AAK1: variants seen among roughly 807,000 people sequenced by gnomAD.
AAK1 encodes the protein AP2 associated kinase 1, also known as AP2-associated protein kinase 1.
In AAK1, 37 loss-of-function variants were observed where a neutral mutation model predicts 116.0. The observed-to-expected ratio is 0.32, with a 90% CI of 0.25 to 0.42. The LOEUF is 0.42. Among genes scored for constraint, AAK1 ranks in the 10% least tolerant of loss-of-function variants. The probability of loss-of-function intolerance (pLI) is 1.00; values close to 1 mark genes in which losing one functional copy is unlikely to be tolerated. For missense variants in AAK1, 919 were observed against 1,170.6 expected, an observed-to-expected ratio of 0.79 and a Z score of 3.14; for synonymous variants, 458 against 439.9, an observed-to-expected ratio of 1.04 and a Z score of -0.51.
intron 17 of AAK1, among the ~76,000 whole-genome samples, chr2:69,491,993 T>C (rs1179590173): frequency 1.3e-5 from 2 of 151,820 alleles, no homozygotes; most frequent in Admixed American, 6.6e-5. Flanking sequence ...GTTTGGGGAG[T>C]GTGGGCAATA....
chr2:69,504,397 CAAAAA>C (rs57214954), intron 16 of AAK1, among the ~76,000 whole-genome samples: 2 of 57,776 alleles, frequency 3.5e-5, no homozygotes, highest in African/African-American at 6.9e-5. Flanking sequence ...GACTCCATCT[CAAAAA>C]AAAAAAAAAA....
intron 21 of AAK1, 58 bp downstream of exon 21, chr2:69,476,822 G>C: frequency 1.4e-5 from 17 of 1,227,166 alleles, no homozygotes; most frequent in Non-Finnish European, 2.0e-5. Flanking sequence ...TTAGGTGCAT[G>C]ACTATTTTGA....
chr2:69,486,331 C>G (rs1675300908), intron 17 of AAK1, among the ~76,000 whole-genome samples: 1 of 152,084 alleles, frequency 6.6e-6, no homozygotes. Flanking sequence ...CATGAGTGTA[C>G]ACGTGTTGTG....
intron 16 of AAK1, among the ~76,000 whole-genome samples, chr2:69,501,383 A>AT (rs772349047): frequency 0.023 from 3,333 of 147,860 alleles, 53 homozygotes; most frequent in African/African-American, 0.043. Flanking sequence ...ACAAAACCCC[A>AT]TTTTTTTTTT....
intron 2 of AAK1, among the ~76,000 whole-genome samples, chr2:69,562,469 G>A (rs1671683512): frequency 6.6e-6 from 1 of 152,200 alleles, no homozygotes; most frequent in African/African-American, 2.4e-5. Flanking sequence ...GATGACAGAA[G>A]TGCCTAGTTC....
intron 2 of AAK1, among the ~76,000 whole-genome samples, chr2:69,588,107 AG>A (rs1672869401): frequency 6.6e-6 from 1 of 152,144 alleles, no homozygotes; most frequent in South Asian, 2.1e-4. Context: ...GAGTTAGATA[AG>A]GGTTCAAATC....
intron 16 of AAK1, among the ~76,000 whole-genome samples, chr2:69,502,788 C>A (rs1359474753): frequency 6.6e-6 from 1 of 151,960 alleles, no homozygotes; most frequent in African/African-American, 2.4e-5. Flanking sequence ...GTATAAAAAA[C>A]CTTAAAATAT....
At position 69,474,121 on chromosome 2, in the gene AAK1, A is replaced by AT; in HGVS notation, c.*1747dup. On this transcript the variant is annotated 3_prime_UTR_variant, in exon 22 of 22. Transcript: ENST00000409085. ...AATGCCTTTCAAAGGCTACTCGCAC[A>AT]TTCCTAGGGTCAAACCTTGCCCTCC... 1.0e-6 allele frequency: 1 copy of AT among 985,888 alleles called. No individual in the cohort carries two copies. Among genetic ancestry groups the AT allele is most frequent in the Non-Finnish European group, 1.2e-6 (1 of 829,936 alleles). The allele number at this position is 985,888 out of a possible 1,614,324, so 61.1% of individuals were successfully genotyped here.
chr2:69,595,280 T>G (rs1200248669), intron 2 of AAK1, among the ~76,000 whole-genome samples: 3 of 151,996 alleles, frequency 2.0e-5, no homozygotes, highest in African/African-American at 7.2e-5. Context: ...ACCTGGCTAG[T>G]TGTTTTTGTA....
rs1225108740 is a variant in AAK1, at chr2:69,463,931, G to A, written c.*11938C>T. 2 of 152,586 alleles carry A rather than the reference G, an allele frequency of 1.3e-5. No homozygotes were observed. The highest frequency in any genetic ancestry group is 1.5e-5 in the Non-Finnish European group (1 of 68,068). 9.5% of individuals were successfully genotyped at this position (152,586 alleles called of 1,614,324 possible). A position where few individuals can be genotyped will look rare whatever the true frequency, so the allele number is the denominator to read the frequency against. On this transcript the variant is annotated 3_prime_UTR_variant, in exon 22 of 22. Coordinates refer to ENST00000409085, the MANE Select transcript of AAK1 (RefSeq NM_014911.5). ...CTTCCAAAATGCTGGTATTACAGGT[G>A]TGTGGCACTGCACCTGGCCAGCTTT...
rs1457273997 is a variant in AAK1, at chr2:69,473,836, G to A, written c.*2033C>T. The A allele has an allele frequency of 5.1e-6, 5 of 985,568 alleles. No homozygotes were observed. The highest frequency in any genetic ancestry group is 2.3e-4 in the East Asian group (2 of 8,832). 61.1% of individuals were successfully genotyped at this position (985,568 alleles called of 1,614,324 possible). On this transcript the variant is annotated 3_prime_UTR_variant, in exon 22 of 22. Transcript: ENST00000409085. ...ATACATTCTTTCTATGTCCAGGAAAGAGAATACAATTCTGACCTGCAGCAA... is the reference window on the plus strand; with the variant it reads ...ATACATTCTTTCTATGTCCAGGAAAAAGAATACAATTCTGACCTGCAGCAA...
rs1317433617 is a variant in AAK1, at chr2:69,466,799, CACAG to C, written c.*9066_*9069del. On this transcript the variant is annotated 3_prime_UTR_variant, in exon 22 of 22. Transcript: ENST00000409085. ...GGAAAGGAGATGAAGATGTTAGGCA[CACAG>C]ACATTCAGCGTAACTATGCAATGCT... 33 of 985,272 alleles carry C rather than the reference CACAG, an allele frequency of 3.3e-5. No homozygotes were observed. Among genetic ancestry groups the C allele is most frequent in the Non-Finnish European group, 3.9e-5 (32 of 829,944 alleles). The allele number at this position is 985,272 out of a possible 1,614,324, so 61.0% of individuals were successfully genotyped here.
intron 2 of AAK1, among the ~76,000 whole-genome samples, chr2:69,581,387 C>T (rs941337043): frequency 3.3e-5 from 5 of 152,152 alleles, no homozygotes; most frequent in Admixed American, 1.3e-4. Flanking sequence ...TGAGCCACTG[C>T]GCCCAGCTGG....
intron 2 of AAK1, among the ~76,000 whole-genome samples, chr2:69,632,553 G>A (rs1675231337): frequency 6.6e-6 from 1 of 152,166 alleles, no homozygotes; most frequent in East Asian, 1.9e-4. Flanking sequence ...GGGCCTAATT[G>A]GCGGTGTGAC....
rs912149251 is a variant in AAK1 at position 69,475,531 on chromosome 2, C to T, written c.*338G>A. The T allele has an allele frequency of 2.8e-5, 30 of 1,059,762 alleles. No homozygotes were observed. Among genetic ancestry groups the T allele is most frequent in the Non-Finnish European group, 3.4e-5 (30 of 876,462 alleles). The allele number at this position is 1,059,762 out of a possible 1,614,324, so 65.6% of individuals were successfully genotyped here. A position where few individuals can be genotyped will look rare whatever the true frequency, so the allele number is the denominator to read the frequency against. ...CAAGAACGAGACAAAAGTGTCAATT[C>T]ACTAGTTTCAGTTACAGTTAAGCTT... is the stretch of plus-strand genomic sequence containing the variant. On this transcript the variant is annotated 3_prime_UTR_variant, in exon 22 of 22. Coordinates refer to ENST00000409085, the MANE Select transcript of AAK1 (RefSeq NM_014911.5).
intron 2 of AAK1, among the ~76,000 whole-genome samples, chr2:69,579,045 T>C (rs1672436653): frequency 6.6e-6 from 1 of 152,098 alleles, no homozygotes; most frequent in African/African-American, 2.4e-5. Context: ...ACCTCGTCTT[T>C]ACCTCTTTCT....
intron 2 of AAK1, among the ~76,000 whole-genome samples, chr2:69,560,777 G>A (rs1213783586): frequency 6.6e-6 from 1 of 152,148 alleles, no homozygotes; most frequent in African/African-American, 2.4e-5. Flanking sequence ...GAGTTTAGAG[G>A]TTTTGTCTGT....
At chr2:69,483,790 G>A (rs532591887) in intron 17 of AAK1, among the ~76,000 whole-genome samples, 1 of 152,254 alleles carries the variant, frequency 6.6e-6, no homozygotes, top group African/African-American at 2.4e-5. Context: ...GATTACTCTT[G>A]ATGTCTTCTG....
chr2:69,606,292 C>T (rs367805161), intron 2 of AAK1, among the ~76,000 whole-genome samples: 1 of 152,198 alleles, frequency 6.6e-6, no homozygotes, highest in African/African-American at 2.4e-5. Context: ...CAATTGAACA[C>T]AAGGATGTGT....
Sources: gnomAD v4.1 joint callset for allele counts (sites outside exome capture counted in the v4.1 genomes callset) on GRCh38, gnomAD v4.1.1 for gene constraint, MANE v1.5 for transcripts, NCBI Gene and HGNC (gene_info 2026-07-23, HGNC 2026-07-21) for gene names.